MACROD2: variants seen among roughly 807,000 people sequenced by gnomAD.
The protein encoded by MACROD2 is ADP-ribose glycohydrolase MACROD2.
A neutral mutation model predicts 70.4 loss-of-function variants in MACROD2; 36 were observed. That is an observed-to-expected ratio of 0.51 (90% confidence interval 0.39 to 0.68). The LOEUF (loss-of-function observed/expected upper bound fraction) is 0.68, where lower values mean the gene tolerates loss of function less well. Among genes scored for constraint, MACROD2 ranks in the 30% least tolerant of loss-of-function variants. The pLI, the probability that MACROD2 is intolerant of heterozygous loss-of-function variation, is 0.00. For missense variants in MACROD2, 496 were observed against 538.4 expected (o/e 0.92, Z 0.78); for synonymous variants, 172 against 178.8 (o/e 0.96, Z 0.30).
intron 6 of MACROD2, among the ~76,000 whole-genome samples, chr20:15,242,046 A>G (rs1264399050): frequency 1.3e-5 from 2 of 152,210 alleles, no homozygotes; most frequent in Admixed American, 6.5e-5. Flanking sequence ...AGCAGATACC[A>G]CCATAATCAA....
At chr20:14,474,999 AT>A (rs60329807) in intron 3 of MACROD2, among the ~76,000 whole-genome samples, 4 of 149,420 alleles carry the variant, frequency 2.7e-5, no homozygotes, top group East Asian at 2.0e-4. Context: ...CCATTTTGTT[AT>A]TTTTTTTTCC....
chr20:14,225,339 CAT>C (rs1363641476), intron 3 of MACROD2, among the ~76,000 whole-genome samples: 7 of 152,138 alleles, frequency 4.6e-5, no homozygotes, highest in Non-Finnish European at 8.8e-5. Context: ...TTTTTAAAAA[CAT>C]ATATGAGAAA....
At chr20:15,220,933 C>T (rs1423965351) in intron 5 of MACROD2, among the ~76,000 whole-genome samples, 1 of 152,096 alleles carries the variant, frequency 6.6e-6, no homozygotes, top group Non-Finnish European at 1.5e-5. Flanking sequence ...TGGATGATTG[C>T]AGAAGAGTCT....
intron 5 of MACROD2, among the ~76,000 whole-genome samples, chr20:14,953,047 G>A (rs1319970291): frequency 1.3e-5 from 2 of 152,026 alleles, no homozygotes; most frequent in African/African-American, 4.8e-5. Context: ...ACAGTGGTAT[G>A]TGTCAGACTT....
chr20:15,808,186 C>T (rs894365632), intron 8 of MACROD2, among the ~76,000 whole-genome samples: 7 of 152,266 alleles, frequency 4.6e-5, no homozygotes, highest in East Asian at 1.9e-4. Flanking sequence ...CCGATGCTCC[C>T]GGCCGAATAA....
chr20:15,028,493 A>T (rs1189582551), intron 5 of MACROD2, among the ~76,000 whole-genome samples: 1 of 152,188 alleles, frequency 6.6e-6, no homozygotes, highest in Non-Finnish European at 1.5e-5. Flanking sequence ...CACCTACTGG[A>T]TGTCACCTTT....
At chr20:14,324,439 G>C (rs578055082) in intron 3 of MACROD2, 1 of 152,512 alleles carries the variant, frequency 6.6e-6, no homozygotes, top group Non-Finnish European at 1.5e-5. Context: ...CAGTATTCTT[G>C]ATCTTTGTAA....
chr20:14,117,038 G>A (rs1448536840), intron 3 of MACROD2, among the ~76,000 whole-genome samples: 10 of 142,050 alleles, frequency 7.0e-5, no homozygotes, highest in African/African-American at 2.4e-4. Context: ...CTGCACTCCA[G>A]CCTGGCGACA....
At chr20:14,322,477 C>T (rs1278585536) in intron 3 of MACROD2, among the ~76,000 whole-genome samples, 1 of 150,530 alleles carries the variant, frequency 6.6e-6, no homozygotes, top group Non-Finnish European at 1.5e-5. Context: ...AGTCCTTTCC[C>T]TGACTTCTAG....
chr20:15,442,436 C>T (rs2046508221), intron 7 of MACROD2, among the ~76,000 whole-genome samples: 1 of 152,082 alleles, frequency 6.6e-6, no homozygotes, highest in Non-Finnish European at 1.5e-5. Context: ...TTCAAGGAGC[C>T]AGGAATCTAC....
At chr20:14,272,141 G>C (rs1450168583) in intron 3 of MACROD2, among the ~76,000 whole-genome samples, 1 of 151,966 alleles carries the variant, frequency 6.6e-6, no homozygotes, top group Non-Finnish European at 1.5e-5. Flanking sequence ...GAAATACAGA[G>C]AATGCCACAA....
At chr20:14,078,400 A>C (rs1028315882) in intron 2 of MACROD2, among the ~76,000 whole-genome samples, 5 of 151,982 alleles carry the variant, frequency 3.3e-5, no homozygotes, top group African/African-American at 9.7e-5. Context: ...ATTCTAAATG[A>C]ATTCTTTTTT....
intron 8 of MACROD2, among the ~76,000 whole-genome samples, chr20:15,539,012 A>G (rs1041721158): frequency 8.5e-5 from 13 of 152,168 alleles, no homozygotes; most frequent in African/African-American, 3.1e-4. Context: ...ATAAATATAT[A>G]TGAACTATAT....
chr20:15,152,677 C>G (rs564404957), intron 5 of MACROD2, among the ~76,000 whole-genome samples: 1 of 151,870 alleles, frequency 6.6e-6, no homozygotes, highest in Non-Finnish European at 1.5e-5. Flanking sequence ...TTGCCCCTCC[C>G]CCAGAAAAGT....
At chr20:15,340,130 CTTTTTTT>C (rs869080087) in intron 6 of MACROD2, among the ~76,000 whole-genome samples, 7 of 39,308 alleles carry the variant, frequency 1.8e-4, no homozygotes, top group South Asian at 1.4e-3. Flanking sequence ...TTCTTTCTTT[CTTTTTTT>C]TTTTTTTTTT....
intron 8 of MACROD2, among the ~76,000 whole-genome samples, chr20:15,840,337 T>A (rs1001262342): frequency 2.6e-5 from 4 of 152,220 alleles, no homozygotes; most frequent in African/African-American, 9.6e-5. Context: ...CAGAAATTAG[T>A]GCCATAATTC....
chr20:14,291,428 G>C (rs578152585), intron 3 of MACROD2, among the ~76,000 whole-genome samples: 2 of 149,336 alleles, frequency 1.3e-5, no homozygotes, highest in East Asian at 3.9e-4. Flanking sequence ...CCAGACAGAA[G>C]ATACAGTGTT....
rs144650837 is a variant in MACROD2, at chr20:15,242,492, C to T, written c.540+12431C>T. On this transcript the variant is annotated intron_variant, in intron 6 of 17. Coordinates refer to ENST00000684519, the MANE Select transcript of MACROD2 (RefSeq NM_001351661.2). The stretch of plus-strand genomic sequence containing the variant: ...TATATTCATAAGAGATACTGGTCTT[C>T]AGTTTGCCTTTATTGTGATGTCTTT... 2.2e-3 allele frequency among the ~76,000 whole-genome samples: 330 copies of T among 152,200 alleles called. 1 individual carries two copies. The highest frequency in any genetic ancestry group is 7.6e-3 in the African/African-American group (316 of 41,520).
rs182172924 is a variant in MACROD2, at chr20:15,002,321, G to A, written c.419-227619G>A. 6.0e-3 allele frequency among the ~76,000 whole-genome samples: 918 copies of A among 152,166 alleles called. 4 individuals carry two copies. The highest frequency in any genetic ancestry group is 9.1e-3 in the Non-Finnish European group (621 of 67,994). On this transcript the variant is annotated intron_variant, in intron 5 of 17. Transcript: ENST00000684519. ...GGCTATGGCCATTCTTTTAGGAGTA[G>A]GGTGGTATCACATTGTGGCTTTGAT...
Sources: allele counts gnomAD v4.1 joint callset (sites outside exome capture counted in the v4.1 genomes callset), GRCh38; gene constraint gnomAD v4.1.1; transcripts MANE v1.5; gene names NCBI Gene and HGNC (gene_info 2026-07-23, HGNC 2026-07-21).